The following PACS2 variants were observed in gnomAD, a reference collection of about 807,000 sequenced individuals.
PACS2 encodes phosphofurin acidic cluster sorting protein 2, also known as PACS1-like protein.
Under a neutral mutation model 113.0 loss-of-function variants are expected in PACS2, and 36 were observed. That is an observed-to-expected ratio of 0.32 (90% CI 0.24 to 0.42). PACS2 has a LOEUF of 0.42. Ranked by LOEUF, PACS2 falls within the 10% of genes least tolerant of loss-of-function variation. The pLI is 1.00. For missense variants in PACS2, 1,015 were observed against 1,239.5 expected, an observed-to-expected ratio of 0.82 and a Z score of 2.72; for synonymous variants, 589 against 536.1, an observed-to-expected ratio of 1.10 and a Z score of -1.36.
intron 6 of PACS2, 109 bp from the exon 7 acceptor site, chr14:105,368,350 G>T (rs2061019581): frequency 1.1e-6 from 1 of 918,588 alleles, no homozygotes; most frequent in Non-Finnish European, 1.8e-6. Flanking sequence ...TTGGGACACA[G>T]GTGGGCTCTC....
At chr14:105,334,373 C>A (rs1391266408) in intron 1 of PACS2, among the ~76,000 whole-genome samples, 1 of 152,230 alleles carries the variant, frequency 6.6e-6, no homozygotes, top group Non-Finnish European at 1.5e-5. Context: ...GCAGACCAGA[C>A]CTGGCTCTGT....
chr14:105,391,865 CA>C, intron 22 of PACS2, 99 bp downstream of exon 22: 1 of 1,258,076 alleles, frequency 7.9e-7, no homozygotes, highest in Non-Finnish European at 1.1e-6. Flanking sequence ...CCTCCCAGGG[CA>C]CCTGGCCTGT....
At chr14:105,381,759 G>A (rs1595152169) in intron 12 of PACS2, among the ~76,000 whole-genome samples, 155 bp from the exon 13 acceptor site, 1 of 152,320 alleles carries the variant, frequency 6.6e-6, no homozygotes, top group Admixed American at 6.5e-5. Context: ...TGACCTCTCT[G>A]TGCAGCCCAT....
chr14:105,380,423 T>A (rs1555411664), intron 11 of PACS2, among the ~76,000 whole-genome samples: 2 of 99,618 alleles, frequency 2.0e-5, no homozygotes, highest in East Asian at 3.2e-4. Context: ...AGGGTCCGGA[T>A]GCCCTGGACT....
Position 105,396,092 on chromosome 14 carries a change from C to G in PACS2, c.*1420C>G, listed in dbSNP as rs1241590920. On this transcript the variant is annotated 3_prime_UTR_variant, in exon 25 of 25. Coordinates refer to ENST00000447393, the MANE Select transcript of PACS2 (RefSeq NM_001100913.3). Reference sequence around the variant, plus strand: ...TCTTACTTGTGACCGCCCTGCTCTTCCTGGCCGCCCCCCCCAGGTGGCTGA... The same window carrying G: ...TCTTACTTGTGACCGCCCTGCTCTTGCTGGCCGCCCCCCCCAGGTGGCTGA... The G allele has an allele frequency of 2.6e-5, 4 of 152,402 alleles. No homozygotes were observed. The highest frequency in any genetic ancestry group is 7.2e-5 in the African/African-American group (3 of 41,448). 9.4% of individuals were successfully genotyped at this position (152,402 alleles called of 1,614,324 possible).
At chr14:105,369,807 C>T (rs370966728) in intron 7 of PACS2, 34 bp from the exon 8 acceptor site, 8 of 1,527,262 alleles carry the variant, frequency 5.2e-6, no homozygotes, top group Admixed American at 2.0e-5. Flanking sequence ...GCAGCTCTGG[C>T]GGCGGCTCTG....
rs1056227758 is a variant in PACS2, at chr14:105,366,302, C to T, written c.424-911C>T. Among the ~76,000 whole-genome samples, 11 of 152,338 alleles carry T rather than the reference C, an allele frequency of 7.2e-5. No individual in the cohort carries two copies. Among genetic ancestry groups the T allele is most frequent in the Middle Eastern group, 6.8e-3 (2 of 294 alleles). Reference sequence around the variant, plus strand: ...GGCGGAGGTTGCAGTGAGCCAAGATCGCACCATTGCACACCAGCCTGGGCC... The same window carrying T: ...GGCGGAGGTTGCAGTGAGCCAAGATTGCACCATTGCACACCAGCCTGGGCC... On this transcript the variant is annotated intron_variant, in intron 4 of 24. Coordinates refer to ENST00000447393, the MANE Select transcript of PACS2 (RefSeq NM_001100913.3). The surrounding 1 kb of genome is among the most constrained non-coding windows in gnomAD (Gnocchi z 4.3).
intron 18 of PACS2, 85 bp from the exon 19 acceptor site, chr14:105,385,600 C>A: frequency 1.2e-6 from 1 of 852,224 alleles, no homozygotes; most frequent in Non-Finnish European, 1.8e-6. Context: ...GAGATGGGAG[C>A]CACTGAGTGC....
chr14:105,333,157 G>A (rs187091862), intron 1 of PACS2, among the ~76,000 whole-genome samples: 4 of 152,246 alleles, frequency 2.6e-5, no homozygotes, highest in South Asian at 2.1e-4. Context: ...CCATGCACGC[G>A]TGTGCACACA....
chr14:105,313,236 G>A (rs1025157802), upstream of PACS2, among the ~76,000 whole-genome samples: 7 of 152,208 alleles, frequency 4.6e-5, no homozygotes, highest in African/African-American at 9.7e-5. Flanking sequence ...CAGCAGCGCC[G>A]TACGCTCAGT....
chr14:105,306,544 C>CT (rs2140656995), intron 1 of PACS2, among the ~76,000 whole-genome samples: 1 of 152,168 alleles, frequency 6.6e-6, no homozygotes, highest in Admixed American at 6.5e-5. Context: ...ACCTCGTGAT[C>CT]TGCCCACCTC....
At chr14:105,378,233 T>C (rs58214606) in intron 9 of PACS2, among the ~76,000 whole-genome samples, 20,274 of 152,210 alleles carry the variant, frequency 0.13, 4,548 homozygotes, top group African/African-American at 0.46. Flanking sequence ...AACTCCGTGG[T>C]GTTGGCTGTA....
At chr14:105,359,594 T>C (rs1322116794) in intron 4 of PACS2, among the ~76,000 whole-genome samples, 3 of 145,088 alleles carry the variant, frequency 2.1e-5, no homozygotes, top group Non-Finnish European at 4.5e-5. Flanking sequence ...TTTCTTTTTT[T>C]TTTTTTTTTT....
rs2059017669 is a variant in PACS2 at position 105,324,437 on chromosome 14, T to C, written c.119+9400T>C. The stretch of plus-strand genomic sequence containing the variant: ...CCTGCCTGGCCGTGGAGGGTCTCTG[T>C]AGGACAGGCTCCCGCTGAGGGCAGC... On this transcript the variant is annotated intron_variant, in intron 1 of 24. Coordinates refer to ENST00000447393, the MANE Select transcript of PACS2 (RefSeq NM_001100913.3). This position sits in a 1 kb window ranked among gnomAD's most constrained non-coding sequence, Gnocchi z 4.7. Among the ~76,000 whole-genome samples, 1 of 152,126 alleles carries C rather than the reference T, an allele frequency of 6.6e-6. No individual in the cohort carries two copies. The highest frequency in any genetic ancestry group is 2.4e-5 in the African/African-American group (1 of 41,420).
intron 1 of PACS2, among the ~76,000 whole-genome samples, chr14:105,305,478 C>T (rs1306683649): frequency 6.6e-6 from 1 of 152,126 alleles, no homozygotes. Context: ...TGTGAGGATG[C>T]AGGAAGAGGG....
chr14:105,370,902 C>T (rs1314981071), intron 8 of PACS2: 1 of 152,252 alleles, frequency 6.6e-6, no homozygotes, highest in African/African-American at 2.4e-5. Flanking sequence ...TGCCTGGGTT[C>T]AGGACCTGAA....
chr14:105,336,319 A>G (rs2059518722), intron 1 of PACS2: 1 of 152,354 alleles, frequency 6.6e-6, no homozygotes, highest in Admixed American at 6.5e-5. Context: ...AAATCCGTGA[A>G]GTGCTCCCTT....
rs1203275877 is a variant in PACS2, at chr14:105,317,714, C to G, written c.119+2677C>G. Among the ~76,000 whole-genome samples the G allele has an allele frequency of 6.6e-6, 1 of 152,032 alleles. No homozygotes were observed. The highest frequency in any genetic ancestry group is 2.1e-4 in the South Asian group (1 of 4,828). The stretch of plus-strand genomic sequence containing the variant: ...GAGGATGTCCCCGTCCAGTTATGAG[C>G]GAGTCTTTGCTCTCTGAGCAGCCTC... On this transcript the variant is annotated intron_variant, in intron 1 of 24. Transcript: ENST00000447393. This position sits in a 1 kb window ranked among gnomAD's most constrained non-coding sequence, Gnocchi z 4.2.
intron 4 of PACS2, among the ~76,000 whole-genome samples, chr14:105,362,942 T>TGGCCGGG (rs2060788227): frequency 6.6e-6 from 1 of 152,128 alleles, no homozygotes; most frequent in South Asian, 2.1e-4. Flanking sequence ...ACAACATTCG[T>TGGCCGGG]CTCCTGCGAG....
Sources: gnomAD v4.1 joint callset for allele counts (sites outside exome capture counted in the v4.1 genomes callset) on GRCh38, gnomAD v4.1.1 for gene constraint, Gnocchi (gnomAD v3.1) non-coding constraint, MANE v1.5 for transcripts, NCBI Gene and HGNC (gene_info 2026-07-23, HGNC 2026-07-21) for gene names.